NDST3: variants seen among roughly 807,000 people sequenced by gnomAD.
NDST3 encodes bifunctional heparan sulfate N-deacetylase/N-sulfotransferase 3.
In NDST3, 58 loss-of-function variants were observed where a neutral mutation model predicts 96.1. The ratio of observed to expected loss-of-function variants is 0.60; its 90% CI spans 0.49 to 0.75. The LOEUF is 0.75. NDST3 is among the 30% of genes least tolerant of loss of function. NDST3 has a pLI of 0.00. For missense variants in NDST3, 788 were observed against 1,034.2 expected (o/e 0.76, Z 3.27); for synonymous variants, 333 against 359.7 (o/e 0.93, Z 0.84).
chr4:118,205,287 T>C (rs1249170168), intron 6 of NDST3, among the ~76,000 whole-genome samples: 1 of 144,456 alleles, frequency 6.9e-6, no homozygotes, highest in Non-Finnish European at 1.5e-5. Context: ...ACACAATATT[T>C]ATACTAATTT....
rs1738319885 is a variant in NDST3 at position 118,204,652 on chromosome 4, T to C, written c.1540-19839T>C. Reference sequence around the variant, plus strand: ...GTACAGAGAAATCTTTATGCCAAACTTAAAGTATGTAAGGAAGCAACTTTA... The same window carrying C: ...GTACAGAGAAATCTTTATGCCAAACCTAAAGTATGTAAGGAAGCAACTTTA... On this transcript the variant is annotated intron_variant, in intron 6 of 13. Transcript: ENST00000296499. 2.1e-5 allele frequency among the ~76,000 whole-genome samples: 3 copies of C among 144,794 alleles called. 1 individual carries two copies. Among genetic ancestry groups the C allele is most frequent in the African/African-American group, 7.6e-5 (3 of 39,216 alleles). The allele number at this position is 144,794 out of a possible 152,430, so 95.0% of individuals were successfully genotyped here. A position where few individuals can be genotyped will look rare whatever the true frequency, so the allele number is the denominator to read the frequency against.
chr4:118,173,154 G>GTGTA (rs61694736), intron 6 of NDST3, among the ~76,000 whole-genome samples: 6,199 of 114,492 alleles, frequency 0.054, 135 homozygotes, highest in South Asian at 0.13. Flanking sequence ...GTGTGTGTGT[G>GTGTA]TATATATATA....
intron 6 of NDST3, among the ~76,000 whole-genome samples, chr4:118,168,371 T>C (rs1332271000): frequency 4.6e-5 from 7 of 151,944 alleles, no homozygotes; most frequent in South Asian, 2.1e-4. Flanking sequence ...TCACTAATCA[T>C]CAATTTTTAT....
At chr4:118,235,132 G>T (rs1740556467) in intron 9 of NDST3, among the ~76,000 whole-genome samples, 1 of 151,644 alleles carries the variant, frequency 6.6e-6, no homozygotes, top group African/African-American at 2.4e-5. Flanking sequence ...CCATTTTTCA[G>T]GTAAAAGAAA....
chr4:118,224,523 T>C lies in NDST3; in HGVS notation c.1572T>C (p.Tyr524=), dbSNP rs11934022. 1,815 of 1,609,972 alleles carry C rather than the reference T, an allele frequency of 1.1e-3. 23 individuals are homozygous for C. In the African/African-American group the frequency reaches 0.021, roughly 18 times the overall value. Residue 524 remains tyrosine, a synonymous_variant, in exon 7 of 14, where the codon TAT becomes TAC. Transcript: ENST00000296499. ...ISIFMTHLSN[Y]GNDRLGLYTF... The stretch of plus-strand genomic sequence containing the variant: ...TTTTCATGACCCATTTGTCCAACTA[T>C]GGGAATGACCGACTGGGATTATATA...
At chr4:118,224,727 G>A in intron 7 of NDST3, 54 bp downstream of exon 7, 1 of 1,424,206 alleles carries the variant, frequency 7.0e-7, no homozygotes, top group East Asian at 2.5e-5. Context: ...ACATAATTCT[G>A]TGAGATATCC....
At position 118,136,062 on chromosome 4, in the gene NDST3, G is replaced by A. The variant is rs1303365169; in HGVS notation, c.1225-1992G>A. On this transcript the variant is annotated intron_variant, in intron 4 of 13. Transcript: ENST00000296499. ...CTGAAGACACAGCTGACTACTCGCC[G>A]TTATTGAAAACTACCTTGAGCTTTT... Among the ~76,000 whole-genome samples, 7 of 152,138 alleles carry A rather than the reference G, an allele frequency of 4.6e-5. 1 individual carries two copies. Among genetic ancestry groups the A allele is most frequent in the African/African-American group, 9.7e-5 (4 of 41,434 alleles).
At chr4:118,050,014 A>T (rs1484118835) in intron 1 of NDST3, among the ~76,000 whole-genome samples, 1 of 152,180 alleles carries the variant, frequency 6.6e-6, no homozygotes, top group Non-Finnish European at 1.5e-5. Context: ...ATCCAGCAGC[A>T]CATCAAAAAT....
intron 2 of NDST3, among the ~76,000 whole-genome samples, chr4:118,058,087 CACTTATGAGCA>C (rs35218485): frequency 0.75 from 113,840 of 151,288 alleles, 45,447 homozygotes; most frequent in South Asian, 0.92. Flanking sequence ...TAATTATTAC[CACTTATGAGCA>C]AATATTATAT....
intron 1 of NDST3, among the ~76,000 whole-genome samples, chr4:118,053,386 T>C (rs917735438): frequency 1.3e-5 from 2 of 151,962 alleles, no homozygotes; most frequent in Non-Finnish European, 2.9e-5. Flanking sequence ...AACAAACAGC[T>C]TGAGTATGTA....
intron 2 of NDST3, among the ~76,000 whole-genome samples, chr4:118,082,628 ATCTC>A (rs1399943933): frequency 6.6e-6 from 1 of 152,216 alleles, no homozygotes; most frequent in East Asian, 1.9e-4. Context: ...GAAAGACACT[ATCTC>A]TATCTTCCAA....
chr4:118,150,765 A>T (rs1393858116), intron 6 of NDST3, among the ~76,000 whole-genome samples: 5 of 151,780 alleles, frequency 3.3e-5, no homozygotes, highest in South Asian at 2.1e-4. Context: ...GTGGAGAAAT[A>T]GGAACACTTT....
chr4:118,096,998 T>G (rs908828985), intron 2 of NDST3, among the ~76,000 whole-genome samples: 1 of 151,954 alleles, frequency 6.6e-6, no homozygotes, highest in Non-Finnish European at 1.5e-5. Flanking sequence ...ACTTGCAAAA[T>G]AGTCAGTCTT....
At chr4:118,243,009 T>A (rs1392271268) in intron 12 of NDST3, among the ~76,000 whole-genome samples, 2 of 152,170 alleles carry the variant, frequency 1.3e-5, no homozygotes, top group East Asian at 1.9e-4. Context: ...GAGAATTATA[T>A]TTGTTCCTAC....
rs1410853823 is a variant in NDST3 at position 118,171,717 on chromosome 4, G to A, written c.1539+28033G>A. 3.3e-5 allele frequency among the ~76,000 whole-genome samples: 5 copies of A among 152,284 alleles called. No individual in the cohort carries two copies. The East Asian group carries it at 7.7e-4, about 24-fold the overall frequency. On this transcript the variant is annotated intron_variant, in intron 6 of 13. Coordinates refer to ENST00000296499, the MANE Select transcript of NDST3 (RefSeq NM_004784.3). ...AGCGGAATTGTCCGTCCTTCTGAAG[G>A]TCATACAATACCGCTTTCCAGGGAG... is the stretch of plus-strand genomic sequence containing the variant.
At chr4:118,190,932 G>A (rs1034975387) in intron 6 of NDST3, among the ~76,000 whole-genome samples, 6 of 152,052 alleles carry the variant, frequency 3.9e-5, no homozygotes, top group Non-Finnish European at 7.4e-5. Flanking sequence ...TATCACATAC[G>A]CATAATACAT....
At chr4:118,074,095 T>C (rs905797610) in intron 2 of NDST3, among the ~76,000 whole-genome samples, 1 of 152,182 alleles carries the variant, frequency 6.6e-6, no homozygotes, top group Non-Finnish European at 1.5e-5. Context: ...TGAATGATCT[T>C]CTTAGTATTG....
intron 6 of NDST3, among the ~76,000 whole-genome samples, chr4:118,157,487 G>A (rs1387958573): frequency 2.0e-5 from 3 of 149,846 alleles, no homozygotes; most frequent in East Asian, 2.0e-4. Flanking sequence ...GTGCAGTGGC[G>A]TGATCTCAGC....
chr4:118,067,534 CT>C (rs1341529289), intron 2 of NDST3, among the ~76,000 whole-genome samples: 2 of 152,102 alleles, frequency 1.3e-5, no homozygotes, highest in Non-Finnish European at 2.9e-5. Context: ...GTCATTTGCA[CT>C]TTGCAAGAAC....
Sources: gnomAD v4.1 joint callset for allele counts (sites outside exome capture counted in the v4.1 genomes callset) on GRCh38, gnomAD v4.1.1 for gene constraint, MANE v1.5 for transcripts, NCBI Gene and HGNC (gene_info 2026-07-23, HGNC 2026-07-21) for gene names.